LSAMP: variants seen among roughly 807,000 people sequenced by gnomAD.
LSAMP encodes limbic system-associated membrane protein.
A neutral mutation model predicts 38.6 loss-of-function variants in LSAMP; 7 were observed. That is an observed-to-expected ratio of 0.18 (90% CI 0.10 to 0.34). LSAMP has a LOEUF of 0.34. Ranked by LOEUF, LSAMP falls within the 10% of genes least tolerant of loss-of-function variation. LSAMP has a pLI of 1.00. For missense variants in LSAMP, 313 were observed against 420.0 expected (o/e 0.75, Z 2.23); for synonymous variants, 154 against 166.8 (o/e 0.92, Z 0.59).
intron 3 of LSAMP, among the ~76,000 whole-genome samples, chr3:115,920,477 C>CATAT (rs1232849732): frequency 6.6e-6 from 1 of 152,106 alleles, no homozygotes; most frequent in Non-Finnish European, 1.5e-5. Flanking sequence ...GAACATCTTA[C>CATAT]ATATACCTGT....
chr3:115,964,241 T>C (rs1421075815), intron 3 of LSAMP, among the ~76,000 whole-genome samples: 1 of 152,230 alleles, frequency 6.6e-6, no homozygotes, highest in African/African-American at 2.4e-5. Context: ...TGGTAAACTA[T>C]TTAGGAGTAG....
chr3:116,307,303 T>C lies in LSAMP; in HGVS notation c.155+137574A>G, dbSNP rs1279571918. The stretch of plus-strand genomic sequence containing the variant: ...TCTATTTGGGTTTGTAATAACATTT[T>C]CAGCTGATTTACTTTTTAAATTATT... On this transcript the variant is annotated intron_variant, in intron 1 of 6. Transcript: ENST00000490035. Among the ~76,000 whole-genome samples the C allele has an allele frequency of 2.6e-5, 4 of 151,972 alleles. No homozygotes were observed. In the East Asian group the frequency reaches 7.7e-4, roughly 29 times the overall value.
intron 1 of LSAMP, among the ~76,000 whole-genome samples, chr3:116,278,534 G>A (rs948540657): frequency 1.8e-4 from 28 of 152,160 alleles, no homozygotes; most frequent in African/African-American, 6.5e-4. Context: ...CAGGGTCTCT[G>A]ATGGGCACAA....
At chr3:116,280,970 GAGAA>G (rs922699997) in intron 1 of LSAMP, among the ~76,000 whole-genome samples, 99 of 152,118 alleles carry the variant, frequency 6.5e-4, no homozygotes, top group African/African-American at 2.2e-3. Context: ...GGAGGAGAAA[GAGAA>G]AGAAAAGGGA....
At chr3:116,223,419 T>A (rs559641359) in intron 1 of LSAMP, among the ~76,000 whole-genome samples, 38 of 152,306 alleles carry the variant, frequency 2.5e-4, no homozygotes, top group Non-Finnish European at 4.9e-4. Context: ...TTAGAACTAT[T>A]CTAAATGTCC....
chr3:116,432,023 AC>A (rs2049287540), intron 1 of LSAMP, among the ~76,000 whole-genome samples: 1 of 152,058 alleles, frequency 6.6e-6, no homozygotes, highest in Non-Finnish European at 1.5e-5. Flanking sequence ...GAAACAAAAA[AC>A]ATTGTCTGAC....
At chr3:115,971,819 T>C (rs1939028738) in intron 3 of LSAMP, among the ~76,000 whole-genome samples, 2 of 152,138 alleles carry the variant, frequency 1.3e-5, no homozygotes. Context: ...ATGAAGCTTA[T>C]TCAATGAAGG....
intron 1 of LSAMP, among the ~76,000 whole-genome samples, chr3:116,155,209 G>C (rs1490900626): frequency 1.3e-5 from 2 of 151,758 alleles, no homozygotes; most frequent in South Asian, 2.1e-4. Flanking sequence ...CAGGTATTGA[G>C]GTCTGTTTTT....
chr3:115,921,744 T>G (rs12492490), intron 3 of LSAMP, among the ~76,000 whole-genome samples: 27,922 of 152,054 alleles, frequency 0.18, 3,187 homozygotes, highest in East Asian at 0.34. Context: ...GGTCTAGCAC[T>G]GCTGAACTCC....
intron 1 of LSAMP, among the ~76,000 whole-genome samples, chr3:116,297,135 T>C (rs1171014410): frequency 1.3e-5 from 2 of 152,188 alleles, no homozygotes; most frequent in Admixed American, 1.3e-4. Flanking sequence ...AGGTTTCTTG[T>C]GGATCCCAGT....
intron 2 of LSAMP, among the ~76,000 whole-genome samples, chr3:116,085,304 A>G (rs1434329056): frequency 6.6e-6 from 1 of 152,216 alleles, no homozygotes; most frequent in East Asian, 1.9e-4. Flanking sequence ...ATTTTATTCC[A>G]GTTTCAATCT....
At chr3:116,297,374 C>G (rs556694750) in intron 1 of LSAMP, among the ~76,000 whole-genome samples, 1 of 152,000 alleles carries the variant, frequency 6.6e-6, no homozygotes, top group African/African-American at 2.4e-5. Context: ...TAGTGAGATC[C>G]CTAGCTGACA....
intron 3 of LSAMP, among the ~76,000 whole-genome samples, chr3:115,951,374 T>A (rs1321411606): frequency 6.6e-6 from 1 of 152,140 alleles, no homozygotes; most frequent in Non-Finnish European, 1.5e-5. Context: ...AAACTATGCA[T>A]CTGACAAAGG....
chr3:116,107,633 T>C (rs1708498329), intron 1 of LSAMP, among the ~76,000 whole-genome samples: 1 of 152,120 alleles, frequency 6.6e-6, no homozygotes, highest in Non-Finnish European at 1.5e-5. Context: ...ATGTAACAGA[T>C]GAGAATGAAA....
chr3:115,899,216 A>G (rs1936808399), intron 3 of LSAMP, among the ~76,000 whole-genome samples: 1 of 152,134 alleles, frequency 6.6e-6, no homozygotes, highest in Non-Finnish European at 1.5e-5. Context: ...AGTTTTTTTC[A>G]ACAGTGAGAG....
intron 1 of LSAMP, among the ~76,000 whole-genome samples, chr3:116,441,200 A>G (rs1035013319): frequency 3.3e-5 from 5 of 152,232 alleles, no homozygotes; most frequent in African/African-American, 1.2e-4. Context: ...TGTTATTATC[A>G]TTAAAAGTAT....
chr3:116,445,427 C>T lies in LSAMP; in HGVS notation c.-396G>A, dbSNP rs984838060. 4.7e-6 allele frequency: 1 copy of T among 213,602 alleles called. No individual in the cohort carries two copies. 13.2% of individuals were successfully genotyped at this position (213,602 alleles called of 1,614,324 possible). ...TAACCCACTTTCCCAGGCTGGCGGG[C>T]GGGCGGGCGAGGGAGCCGGCACCAA... On this transcript the variant is annotated 5_prime_UTR_variant, in exon 1 of 7. Transcript: ENST00000490035.
intron 1 of LSAMP, among the ~76,000 whole-genome samples, chr3:116,373,557 A>C (rs1156879843): frequency 6.6e-6 from 1 of 151,868 alleles, no homozygotes; most frequent in Non-Finnish European, 1.5e-5. Flanking sequence ...CTGTACATTT[A>C]AATATGCCTA....
chr3:116,287,016 TC>T (rs1285431508), intron 1 of LSAMP, among the ~76,000 whole-genome samples: 1 of 152,124 alleles, frequency 6.6e-6, no homozygotes, highest in Non-Finnish European at 1.5e-5. Flanking sequence ...AATATTCCTC[TC>T]CAGTCTCTCA....
Sources: allele counts gnomAD v4.1 joint callset (sites outside exome capture counted in the v4.1 genomes callset), GRCh38; gene constraint gnomAD v4.1.1; transcripts MANE v1.5; gene names NCBI Gene and HGNC (gene_info 2026-07-23, HGNC 2026-07-21).